ZNF57: variants seen among roughly 807,000 people sequenced by gnomAD.
The protein encoded by ZNF57 is zinc finger protein 424.
ZNF57 carries 11 observed loss-of-function variants against 13.4 expected under a neutral mutation model. That is an observed-to-expected ratio of 0.82 (90% CI 0.52 to 1.36). The LOEUF is 1.36. ZNF57 is among the 40% of genes most tolerant of loss of function. The pLI, the probability that ZNF57 is intolerant of heterozygous loss-of-function variation, is 0.00. For synonymous variants in ZNF57, 224 were observed against 238.5 expected (o/e 0.94, Z 0.56); for missense variants, 696 against 667.5 (o/e 1.04, Z -0.47).
chr19:2,918,316 T>C lies in ZNF57; in HGVS notation c.*27T>C, dbSNP rs753107127. ...GAGAAATTCTATAACTTTAATGGGG[T>C]AACCTCACATTAATTCATGTATAAT... On this transcript the variant is annotated 3_prime_UTR_variant, in exon 4 of 4. Transcript: ENST00000306908. 1.3e-6 allele frequency: 2 copies of C among 1,548,942 alleles called. No homozygotes were observed. Among genetic ancestry groups the C allele is most frequent in the Non-Finnish European group, 1.7e-6 (2 of 1,149,152 alleles).
intron 1 of ZNF57, among the ~76,000 whole-genome samples, chr19:2,904,283 G>A (rs138534989): frequency 2.8e-4 from 43 of 152,310 alleles, no homozygotes; most frequent in Middle Eastern, 3.4e-3. Context: ...GACGCAGTTA[G>A]TTCAATCATT....
chr19:2,913,663 G>GTT (rs748351819), intron 1 of ZNF57, among the ~76,000 whole-genome samples: 2 of 143,952 alleles, frequency 1.4e-5, no homozygotes, highest in Non-Finnish European at 3.0e-5. Flanking sequence ...CTTATTTCTG[G>GTT]TTTTTTTTTT....
chr19:2,905,538 G>A lies in ZNF57; in HGVS notation c.3+4490G>A, dbSNP rs577868201. On this transcript the variant is annotated intron_variant, in intron 1 of 3. Transcript: ENST00000306908. ...ATTGTCCCTCTACCGGCGGAGGCGG[G>A]CGGATCACGAGGTCAGGAGATCGAG... Among the ~76,000 whole-genome samples the A allele has an allele frequency of 2.8e-3, 425 of 151,484 alleles. 8 individuals are homozygous for A. The highest frequency in any genetic ancestry group is 4.4e-3 in the Admixed American group (67 of 15,208).
chr19:2,914,905 A>C (rs1418465993), intron 1 of ZNF57, among the ~76,000 whole-genome samples: 1 of 152,194 alleles, frequency 6.6e-6, no homozygotes, highest in East Asian at 1.9e-4. Flanking sequence ...TGTTATTGGC[A>C]AATAGGTATT....
intron 1 of ZNF57, among the ~76,000 whole-genome samples, chr19:2,903,927 G>T: frequency 6.6e-6 from 1 of 152,042 alleles, no homozygotes; most frequent in East Asian, 1.9e-4. Flanking sequence ...CTGTTAGCCA[G>T]GATGGTCTTG....
intron 1 of ZNF57, among the ~76,000 whole-genome samples, chr19:2,904,252 C>T (rs1161916856): frequency 6.6e-6 from 1 of 152,200 alleles, no homozygotes; most frequent in Non-Finnish European, 1.5e-5. Flanking sequence ...TGCGCACATG[C>T]TGGTGTCTGA....
rs1238364960 is a variant in ZNF57, at chr19:2,918,207, A to C, written c.1586A>C (p.Gln529Pro). The C allele has an allele frequency of 6.2e-7, 1 of 1,614,188 alleles. No individual in the cohort carries two copies. The highest frequency in any genetic ancestry group is 1.3e-5 in the African/African-American group (1 of 75,080). The change falls in exon 4 of 4, where the codon CAG (glutamine) becomes CCG (proline). Residue 529 changes from glutamine (Q) to proline (P), a missense_variant. This residue lies in a region of ZNF57 where 645 missense variants were observed against 591.5 expected (regional missense o/e 1.09). Coordinates refer to ENST00000306908, the MANE Select transcript of ZNF57 (RefSeq NM_173480.3). Reference protein sequence around the residue: ...FRNHLRMHTGQKSHECQSYSK... With the variant: ...FRNHLRMHTGPKSHECQSYSK... Reference sequence around the variant, plus strand: ...AACCATCTGAGGATGCACACAGGACAGAAATCCCACGAATGTCAGTCATAC... The same window carrying C: ...AACCATCTGAGGATGCACACAGGACCGAAATCCCACGAATGTCAGTCATAC...
chr19:2,913,334 T>C (rs1183434754), intron 1 of ZNF57, among the ~76,000 whole-genome samples: 6 of 152,186 alleles, frequency 3.9e-5, no homozygotes, highest in African/African-American at 4.8e-5. Context: ...ATTTCATTAA[T>C]TTGCCTGTAA....
chr19:2,901,152 G>T (rs1019662305), intron 1 of ZNF57, 104 bp downstream of exon 1: 1 of 1,417,272 alleles, frequency 7.1e-7, no homozygotes. Context: ...TGAGGGACGC[G>T]CGGGGCGGCG....
At chr19:2,905,385 G>C (rs868537359) in intron 1 of ZNF57, among the ~76,000 whole-genome samples, 2 of 104,204 alleles carry the variant, frequency 1.9e-5, no homozygotes, top group East Asian at 2.9e-4. Flanking sequence ...GGCTGGTCTC[G>C]AACTCTTGAC....
Position 2,918,315 on chromosome 19 carries a change from G to A in ZNF57, c.*26G>A, listed in dbSNP as rs767716572. On this transcript the variant is annotated 3_prime_UTR_variant, in exon 4 of 4. Coordinates refer to ENST00000306908, the MANE Select transcript of ZNF57 (RefSeq NM_173480.3). The stretch of plus-strand genomic sequence containing the variant: ...AGAGAAATTCTATAACTTTAATGGG[G>A]TAACCTCACATTAATTCATGTATAA... 84 of 1,549,704 alleles carry A rather than the reference G, an allele frequency of 5.4e-5. No individual in the cohort carries two copies. The highest frequency in any genetic ancestry group is 7.0e-5 in the Non-Finnish European group (81 of 1,149,770).
chr19:2,915,475 C>CT (rs765186438), intron 1 of ZNF57, 47 bp from the exon 2 acceptor site: 19 of 1,597,378 alleles, frequency 1.2e-5, no homozygotes, highest in Non-Finnish European at 1.6e-5. Context: ...TTCCCCAGTA[C>CT]TTTCAGTGTC....
chr19:2,918,153 T>G lies in ZNF57; in HGVS notation c.1532T>G (p.Met511Arg). The G allele has an allele frequency of 1.2e-6, 2 of 1,614,166 alleles. No individual in the cohort carries two copies. The highest frequency in any genetic ancestry group is 1.1e-5 in the South Asian group (1 of 91,084). Reference protein sequence around the residue: ...EKPHKCKQCGMSFKWHSSFRN... With the variant: ...EKPHKCKQCGRSFKWHSSFRN... Reference sequence around the variant, plus strand: ...CCTCACAAATGTAAACAATGTGGGATGTCCTTCAAGTGGCACTCCTCCTTC... The same window carrying G: ...CCTCACAAATGTAAACAATGTGGGAGGTCCTTCAAGTGGCACTCCTCCTTC... The change falls in exon 4 of 4, where the codon ATG becomes AGG. Residue 511 changes from methionine (M) to arginine (R), a missense_variant. Around this residue, in one of 3 missense-constraint regions of ZNF57, gnomAD observed 645 missense variants for 591.5 expected, o/e 1.09. Transcript: ENST00000306908.
In ZNF57 at chr19:2,918,450, A is replaced by AAAATAAATGTTTATGTGAG; in HGVS notation, c.*165_*183dup. The stretch of plus-strand genomic sequence containing the variant: ...TAGTCGTGAATTTCCAGCTCTTTCA[A>AAAATAAATGTTTATGTGAG]AAATAAATGTTTATGTGAGAAAATA... On this transcript the variant is annotated 3_prime_UTR_variant, in exon 4 of 4. Transcript: ENST00000306908. The AAAATAAATGTTTATGTGAG allele has an allele frequency of 1.3e-6, 1 of 750,330 alleles. No homozygotes were observed. Among genetic ancestry groups the AAAATAAATGTTTATGTGAG allele is most frequent in the Non-Finnish European group, 2.1e-6 (1 of 485,010 alleles). The allele number at this position is 750,330 out of a possible 1,614,324, so 46.5% of individuals were successfully genotyped here. A position where few individuals can be genotyped will look rare whatever the true frequency, so the allele number is the denominator to read the frequency against.
At chr19:2,916,557 C>CA (rs770140713) in intron 3 of ZNF57, 1,574 of 224,868 alleles carry the variant, frequency 7.0e-3, no homozygotes, top group South Asian at 0.012. Context: ...CTAAAAATAC[C>CA]AAAAAAAAAA....
chr19:2,909,042 T>G (rs2144924784), intron 1 of ZNF57, among the ~76,000 whole-genome samples: 1 of 152,266 alleles, frequency 6.6e-6, no homozygotes, highest in Admixed American at 6.5e-5. Context: ...GCTCCATTCC[T>G]TACATGGCTG....
Position 2,917,675 on chromosome 19 carries a change from C to T in ZNF57, c.1054C>T (p.Gln352Ter). The T allele has an allele frequency of 3.1e-6, 5 of 1,613,970 alleles. No homozygotes were observed. Among genetic ancestry groups the T allele is most frequent in the Non-Finnish European group, 4.2e-6 (5 of 1,179,972 alleles). ...GGCTTTTACCTCTTCCAGATCATTC[C>T]AAGGTCATTTGAGGACGCACACTGG... ...GKAFTSSRSF[Q>*]GHLRTHTGEK... is the part of the protein sequence containing the mutation. Residue 352 changes from glutamine to a stop codon, truncating the protein, a stop_gained, in exon 4 of 4, where the codon CAA becomes TAA. Transcript: ENST00000306908. LOFTEE classifies it low-confidence loss of function (END_TRUNC).
At position 2,900,939 on chromosome 19, in the gene ZNF57, G is replaced by C; in HGVS notation, c.-107G>C. On this transcript the variant is annotated 5_prime_UTR_variant, in exon 1 of 4. Transcript: ENST00000306908. Reference sequence around the variant, plus strand: ...CGGGACGTTTCGTCCTCCCTGCCGCGCGTGCCCTGCCTACCACGAGCGGCC... The same window carrying C: ...CGGGACGTTTCGTCCTCCCTGCCGCCCGTGCCCTGCCTACCACGAGCGGCC... 3 of 1,437,088 alleles carry C rather than the reference G, an allele frequency of 2.1e-6. No individual in the cohort carries two copies. Among genetic ancestry groups the C allele is most frequent in the South Asian group, 1.3e-5 (1 of 79,256 alleles). 89.0% of individuals were successfully genotyped at this position (1,437,088 alleles called of 1,614,324 possible). A position where few individuals can be genotyped will look rare whatever the true frequency, so the allele number is the denominator to read the frequency against.
rs1294026847 is a variant in ZNF57 at position 2,917,790 on chromosome 19, A to G, written c.1169A>G (p.Gln390Arg). ...CATGTGAGAATTCACACGCAAGAGC[A>G]GCTCTATAAATGTGAACAATGTGGG... ...REHVRIHTQEQLYKCEQCGKA... is the reference protein window; with the variant it reads ...REHVRIHTQERLYKCEQCGKA... The change falls in exon 4 of 4, where the codon CAG becomes CGG. Residue 390 changes from glutamine (Q) to arginine (R), a missense_variant. Gln to Arg is a conservative substitution (Grantham distance 43, BLOSUM62 1). This residue lies in a region of ZNF57 where 645 missense variants were observed against 591.5 expected (regional missense o/e 1.09). Transcript: ENST00000306908. The G allele has an allele frequency of 6.2e-6, 10 of 1,606,224 alleles. No individual in the cohort carries two copies. The highest frequency in any genetic ancestry group is 8.5e-6 in the Non-Finnish European group (10 of 1,176,228).
Sources: gnomAD v4.1 joint callset for allele counts (sites outside exome capture counted in the v4.1 genomes callset) on GRCh38, gnomAD v4.1.1 for gene constraint, gnomAD v4.1.1 regional missense constraint, MANE v1.5 for transcripts, NCBI Gene and HGNC (gene_info 2026-07-23, HGNC 2026-07-21) for gene names.